The following PCDH9 variants were observed in gnomAD, a reference collection of about 807,000 sequenced individuals.
PCDH9 encodes protocadherin-9.
In PCDH9, 24 loss-of-function variants were observed where a neutral mutation model predicts 70.6. The ratio of observed to expected loss-of-function variants is 0.34; its 90% CI spans 0.25 to 0.48. The LOEUF is 0.48. Ranked by LOEUF, PCDH9 falls within the 20% of genes least tolerant of loss-of-function variation. PCDH9 has a pLI of 0.99. For synonymous variants in PCDH9, 562 were observed against 558.5 expected, an observed-to-expected ratio of 1.01 and a Z score of -0.09; for missense variants, 1,281 against 1,503.6, an observed-to-expected ratio of 0.85 and a Z score of 2.45.
chr13:67,206,472 C>T (rs2089350559), intron 2 of PCDH9: 1 of 151,996 alleles, frequency 6.6e-6, no homozygotes, highest in Non-Finnish European at 1.5e-5. Context: ...CTGTTAAAGT[C>T]TTAAACAAGG....
intron 2 of PCDH9, among the ~76,000 whole-genome samples, chr13:66,980,730 G>GT: frequency 0.033 from 2,341 of 70,812 alleles, 208 homozygotes; most frequent in Middle Eastern, 0.05. Flanking sequence ...TTTTTTCTTT[G>GT]TTTTTTTTTT....
chr13:66,937,548 CTAAG>C (rs2082937125), intron 2 of PCDH9, among the ~76,000 whole-genome samples: 1 of 152,322 alleles, frequency 6.6e-6, no homozygotes, highest in South Asian at 2.1e-4. Flanking sequence ...TTTAAACAAA[CTAAG>C]TATGACCTGA....
intron 2 of PCDH9, among the ~76,000 whole-genome samples, chr13:67,152,667 T>C (rs1001620373): frequency 5.3e-5 from 8 of 152,174 alleles, no homozygotes; most frequent in African/African-American, 1.9e-4. Flanking sequence ...TTATATTCTT[T>C]AAACAAAATA....
intron 4 of PCDH9, among the ~76,000 whole-genome samples, chr13:66,533,076 C>T (rs1037364536): frequency 1.5e-4 from 23 of 152,126 alleles, no homozygotes; most frequent in Non-Finnish European, 1.8e-4. Context: ...GGAACTCCGG[C>T]AGTTCAGTGC....
At chr13:67,113,130 T>C (rs961262498) in intron 2 of PCDH9, among the ~76,000 whole-genome samples, 4 of 152,228 alleles carry the variant, frequency 2.6e-5, no homozygotes, top group Admixed American at 2.0e-4. Context: ...TTTTAGACTA[T>C]AATTCCTTAT....
At chr13:67,061,425 A>G (rs1002842012) in intron 2 of PCDH9, among the ~76,000 whole-genome samples, 7 of 152,012 alleles carry the variant, frequency 4.6e-5, no homozygotes, top group African/African-American at 1.2e-4. Context: ...ATATATGTAT[A>G]TATGTATATC....
At chr13:66,738,084 T>A (rs1424385003) in intron 3 of PCDH9, among the ~76,000 whole-genome samples, 4 of 152,156 alleles carry the variant, frequency 2.6e-5, no homozygotes, top group Non-Finnish European at 5.9e-5. Context: ...CTCTGCAGAC[T>A]TAAATGTCCC....
At chr13:67,095,756 T>G (rs975271416) in intron 2 of PCDH9, among the ~76,000 whole-genome samples, 3 of 152,178 alleles carry the variant, frequency 2.0e-5, no homozygotes, top group African/African-American at 7.2e-5. Context: ...TAGTTTGTTT[T>G]CCCAACTACA....
chr13:66,906,503 T>C (rs1020265322), intron 2 of PCDH9, among the ~76,000 whole-genome samples: 2 of 152,046 alleles, frequency 1.3e-5, no homozygotes, highest in Non-Finnish European at 1.5e-5. Flanking sequence ...TCCAAGAAAA[T>C]ATGCAACATA....
intron 3 of PCDH9, among the ~76,000 whole-genome samples, chr13:66,710,764 T>C (rs2078781239): frequency 6.6e-6 from 1 of 152,094 alleles, no homozygotes; most frequent in African/African-American, 2.4e-5. Flanking sequence ...TTTCCTTGCC[T>C]TTTTCATTTT....
At chr13:66,567,690 A>T (rs73194731) in intron 4 of PCDH9, among the ~76,000 whole-genome samples, 1,733 of 152,302 alleles carry the variant, frequency 0.011, 10 homozygotes, top group Non-Finnish European at 0.017. Context: ...AACTCAACAG[A>T]AAGTTTTCTT....
intron 2 of PCDH9, among the ~76,000 whole-genome samples, chr13:67,141,310 G>A (rs912750856): frequency 7.9e-5 from 12 of 152,154 alleles, no homozygotes; most frequent in South Asian, 2.1e-4. Context: ...AAATGGGGCC[G>A]AGTGTGGTGG....
intron 3 of PCDH9, among the ~76,000 whole-genome samples, chr13:66,680,158 G>A (rs964050926): frequency 3.3e-5 from 5 of 151,850 alleles, no homozygotes; most frequent in Admixed American, 6.6e-5. Flanking sequence ...TCATCAAAGA[G>A]CATTTCAGTT....
At chr13:67,121,103 G>A (rs899965659) in intron 2 of PCDH9, among the ~76,000 whole-genome samples, 7 of 152,058 alleles carry the variant, frequency 4.6e-5, no homozygotes, top group African/African-American at 1.4e-4. Flanking sequence ...ATAGAGAAGC[G>A]GGACAGACAT....
intron 2 of PCDH9, among the ~76,000 whole-genome samples, chr13:67,164,691 C>T (rs2088061547): frequency 6.6e-6 from 1 of 152,172 alleles, no homozygotes; most frequent in Non-Finnish European, 1.5e-5. Context: ...ATCAGGTCAC[C>T]TTTCCATTGT....
chr13:66,441,592 T>C (rs1207437649), intron 4 of PCDH9, among the ~76,000 whole-genome samples: 1 of 152,118 alleles, frequency 6.6e-6, no homozygotes, highest in East Asian at 1.9e-4. Flanking sequence ...GTGGTTTATT[T>C]TGAAATTCCT....
intron 4 of PCDH9, among the ~76,000 whole-genome samples, chr13:66,585,014 A>G (rs1306193471): frequency 6.6e-6 from 1 of 152,124 alleles, no homozygotes; most frequent in Non-Finnish European, 1.5e-5. Flanking sequence ...TAGAAAAACA[A>G]AGGCATATGA....
At chr13:66,377,477 A>G (rs1956769078) in intron 4 of PCDH9, among the ~76,000 whole-genome samples, 1 of 152,116 alleles carries the variant, frequency 6.6e-6, no homozygotes, top group African/African-American at 2.4e-5. Flanking sequence ...GTTTTACTCT[A>G]GAAATATTTT....
At chr13:66,853,322 C>T (rs1684106288) in intron 3 of PCDH9, among the ~76,000 whole-genome samples, 1 of 151,930 alleles carries the variant, frequency 6.6e-6, no homozygotes, top group Admixed American at 6.6e-5. Flanking sequence ...CCATTCCTTA[C>T]TCTCAGCTAC....
Sources: allele counts gnomAD v4.1 joint callset (sites outside exome capture counted in the v4.1 genomes callset), GRCh38; gene constraint gnomAD v4.1.1; transcripts MANE v1.5; gene names NCBI Gene and HGNC (gene_info 2026-07-23, HGNC 2026-07-21).